Variants in PDE1A observed in about 807,000 individuals in gnomAD.
The protein encoded by PDE1A is dual specificity calcium/calmodulin-dependent 3',5'-cyclic nucleotide phosphodiesterase 1A.
A neutral mutation model predicts 61.7 loss-of-function variants in PDE1A; 35 were observed. That is an observed-to-expected ratio of 0.57 (90% CI 0.43 to 0.75). PDE1A has a LOEUF of 0.75. Ranked by LOEUF, PDE1A falls within the 30% of genes least tolerant of loss-of-function variation. The pLI, the probability that PDE1A is intolerant of heterozygous loss-of-function variation, is 0.00. For missense variants in PDE1A, 597 were observed against 630.6 expected (o/e 0.95, Z 0.57); for synonymous variants, 232 against 213.2 (o/e 1.09, Z -0.77).
At chr2:182,710,526 C>T in the PDE1A span, among the ~76,000 whole-genome samples, 1 of 152,196 alleles carries the variant, frequency 6.6e-6, no homozygotes, top group South Asian at 2.1e-4. Flanking sequence ...CCACCACATC[C>T]CCTGGCAAGC....
At chr2:182,714,491 T>C in the PDE1A span, among the ~76,000 whole-genome samples, 1 of 152,196 alleles carries the variant, frequency 6.6e-6, no homozygotes. Context: ...CAGTGGGTAG[T>C]ATTCAGCCAT....
the PDE1A span, among the ~76,000 whole-genome samples, chr2:182,636,246 T>A: frequency 4.6e-5 from 7 of 152,086 alleles, no homozygotes; most frequent in South Asian, 8.3e-4. Flanking sequence ...GCGTGATACA[T>A]TGAGCCCGGC....
chr2:182,227,913 G>T (rs1043582730), intron 6 of PDE1A, among the ~76,000 whole-genome samples: 2 of 152,080 alleles, frequency 1.3e-5, no homozygotes, highest in African/African-American at 4.8e-5. Flanking sequence ...GACTGTTTCT[G>T]TGTAGTCAGT....
chr2:182,478,331 T>A (rs2125834300), intron 2 of PDE1A, among the ~76,000 whole-genome samples: 1 of 148,130 alleles, frequency 6.8e-6, no homozygotes, highest in East Asian at 2.0e-4. Context: ...ACTGAGCTGG[T>A]TATTCCTGCT....
At chr2:182,330,010 T>C (rs763046972) in intron 1 of PDE1A, among the ~76,000 whole-genome samples, 8 of 152,108 alleles carry the variant, frequency 5.3e-5, no homozygotes, top group South Asian at 2.1e-4. Flanking sequence ...TGTGACTATT[T>C]AATAAACATT....
chr2:182,444,035 A>C (rs1391170715), intron 2 of PDE1A, among the ~76,000 whole-genome samples: 1 of 152,096 alleles, frequency 6.6e-6, no homozygotes, highest in Non-Finnish European at 1.5e-5. Flanking sequence ...ATCAAGTCTC[A>C]GGTACTTATG....
upstream of PDE1A, among the ~76,000 whole-genome samples, chr2:182,527,314 AAAAAAAAAAAAAAATATATATATATATAT>A (rs1559543328): frequency 4.0e-5 from 2 of 50,096 alleles, no homozygotes; most frequent in Non-Finnish European, 7.1e-5. Context: ...AAAAAAAAAA[AAAAAAAAAAAAAAATATATATATATATAT>A]ATATATATAT....
chr2:182,161,012 G>T (rs538302105), intron 13 of PDE1A, among the ~76,000 whole-genome samples: 1 of 152,158 alleles, frequency 6.6e-6, no homozygotes, highest in Non-Finnish European at 1.5e-5. Context: ...ACTTTCAGGA[G>T]GTAAGGAGTT....
At chr2:182,197,728 GA>G (rs1686255518) in intron 10 of PDE1A, among the ~76,000 whole-genome samples, 1 of 151,776 alleles carries the variant, frequency 6.6e-6, no homozygotes. Context: ...GCCTGTTTCT[GA>G]AATCACTCCT....
intron 1 of PDE1A, among the ~76,000 whole-genome samples, chr2:182,369,788 A>G (rs1700027851): frequency 6.6e-6 from 1 of 152,234 alleles, no homozygotes; most frequent in South Asian, 2.1e-4. Flanking sequence ...GAAGAATTAG[A>G]AGCAATGCAT....
intron 2 of PDE1A, among the ~76,000 whole-genome samples, chr2:182,520,367 T>C (rs1437878182): frequency 1.3e-5 from 2 of 151,956 alleles, no homozygotes; most frequent in African/African-American, 4.8e-5. Flanking sequence ...GCAGTCATTT[T>C]AGTCAGTTAG....
intron 13 of PDE1A, among the ~76,000 whole-genome samples, chr2:182,161,606 G>A (rs1574523429): frequency 6.6e-6 from 1 of 152,006 alleles, no homozygotes; most frequent in East Asian, 1.9e-4. Context: ...TTCTCCTTGA[G>A]ACCCACCCCT....
chr2:182,288,479 CTG>C (rs1694312753), intron 1 of PDE1A, among the ~76,000 whole-genome samples: 1 of 152,064 alleles, frequency 6.6e-6, no homozygotes, highest in African/African-American at 2.4e-5. Context: ...TAAGTTCAGT[CTG>C]TAATAATCAT....
At chr2:182,140,056 GT>G (rs1290461657) in exon 15 of PDE1A, 2 of 152,222 alleles carry the variant, frequency 1.3e-5, no homozygotes, top group Non-Finnish European at 2.9e-5. Flanking sequence ...TTATAAACTT[GT>G]TTTTATTTAC....
chr2:182,550,468 G>T, the PDE1A span, among the ~76,000 whole-genome samples: 1 of 152,080 alleles, frequency 6.6e-6, no homozygotes, highest in South Asian at 2.1e-4. Context: ...CAGACTCTTT[G>T]TTAGCCTTAG....
intron 1 of PDE1A, among the ~76,000 whole-genome samples, chr2:182,307,871 T>C (rs1037605307): frequency 3.3e-5 from 5 of 151,942 alleles, no homozygotes; most frequent in Non-Finnish European, 7.4e-5. Flanking sequence ...AAACAAAAAC[T>C]AAAATTACAA....
intron 1 of PDE1A, among the ~76,000 whole-genome samples, chr2:182,276,822 TG>T (rs1364173123): frequency 2.0e-5 from 3 of 151,916 alleles, no homozygotes; most frequent in African/African-American, 4.8e-5. Flanking sequence ...ATGCATTCGT[TG>T]GGGGAGGTCT....
At chr2:182,146,366 G>A (rs1690495748), downstream of PDE1A, among the ~76,000 whole-genome samples, 1 of 151,698 alleles carries the variant, frequency 6.6e-6, no homozygotes, top group South Asian at 2.1e-4. Context: ...TTAATTACTG[G>A]GTATAAACAT....
intron 1 of PDE1A, among the ~76,000 whole-genome samples, chr2:182,366,126 G>C (rs1222563067): frequency 6.6e-6 from 1 of 152,046 alleles, no homozygotes; most frequent in Non-Finnish European, 1.5e-5. Flanking sequence ...ACTGTGAGAA[G>C]TTTCTCTTCT....
Sources: gnomAD v4.1 joint callset for allele counts (sites outside exome capture counted in the v4.1 genomes callset) on GRCh38, gnomAD v4.1.1 for gene constraint, MANE v1.5 for transcripts, NCBI Gene and HGNC (gene_info 2026-07-23, HGNC 2026-07-21) for gene names.